LAG3: variants seen among roughly 807,000 people sequenced by gnomAD.
LAG3 encodes lymphocyte activating 3.
A neutral mutation model predicts 49.0 loss-of-function variants in LAG3; 29 were observed. The ratio of observed to expected loss-of-function variants is 0.59; its 90% CI spans 0.44 to 0.81. The LOEUF is 0.81. Among genes scored for constraint, LAG3 ranks in the 30% least tolerant of loss-of-function variants. The probability of loss-of-function intolerance (pLI) is 0.00; values close to 1 mark genes in which losing one functional copy is unlikely to be tolerated. For missense variants in LAG3, 693 were observed against 695.2 expected, an observed-to-expected ratio of 1.00 and a Z score of 0.04; for synonymous variants, 320 against 297.3, an observed-to-expected ratio of 1.08 and a Z score of -0.79.
At position 6,773,351 on chromosome 12, in the gene LAG3, A is replaced by G; in HGVS notation, c.206+12A>G. On this transcript the variant is annotated intron_variant, in intron 2 of 7. Coordinates refer to ENST00000203629, the MANE Select transcript of LAG3 (RefSeq NM_002286.6). This position sits in a 1 kb window ranked among gnomAD's most constrained non-coding sequence, Gnocchi z 5.5. ...CATCAGCCAGACAGGTATGCACCCC[A>G]AACTTGGGCAACAGGACCTCCGAAT... The G allele has an allele frequency of 6.2e-7, 1 of 1,612,984 alleles. No individual in the cohort carries two copies. The highest frequency in any genetic ancestry group is 2.2e-5 in the East Asian group (1 of 44,814).
rs554693777 is a variant in LAG3, at chr12:6,774,605, C to G, written c.522C>G (p.Ser174Arg). The G allele has an allele frequency of 6.2e-7, 1 of 1,613,274 alleles. No individual in the cohort carries two copies. Among genetic ancestry groups the G allele is most frequent in the Admixed American group, 1.7e-5 (1 of 59,904 alleles). ...LRLGQASMTA[S>R]PPGSLRASDW... is the part of the protein sequence containing the mutation. ...TTTATCCTTGCACAGTGACTGCCAG[C>G]CCCCCAGGATCTCTCAGAGCCTCCG... is the stretch of plus-strand genomic sequence containing the variant. Residue 174 changes from serine to arginine, a missense_variant, in exon 4 of 8, where the codon AGC becomes AGG. Ser to Arg is a moderately radical substitution (Grantham distance 110, BLOSUM62 -1). Transcript: ENST00000203629.
In LAG3 at chr12:6,774,812, C is replaced by T. The variant is rs757372370; in HGVS notation, c.729C>T (p.Leu243=). The change falls in exon 4 of 8, where the codon CTC becomes CTT. Residue 243 remains leucine, a synonymous_variant. Coordinates refer to ENST00000203629, the MANE Select transcript of LAG3 (RefSeq NM_002286.6). ...PMDSGPWGCI[L]TYRDGFNVSI... The stretch of plus-strand genomic sequence containing the variant: ...ACTCTGGGCCCTGGGGCTGCATCCT[C>T]ACCTACAGAGATGGCTTCAACGTCT... The T allele has an allele frequency of 3.1e-6, 5 of 1,614,156 alleles. No homozygotes were observed. The highest frequency in any genetic ancestry group is 4.5e-5 in the East Asian group (2 of 44,886).
Position 6,774,648 on chromosome 12 carries a change from T to C in LAG3, c.565T>C (p.Cys189Arg). ...LRASDWVILN[C>R]SFSRPDRPAS... ...AGCCTCCGACTGGGTCATTTTGAAC[T>C]GCTCCTTCAGCCGCCCTGACCGCCC... Residue 189 changes from cysteine (C) to arginine (R), a missense_variant, in exon 4 of 8, where the codon TGC (cysteine) becomes CGC (arginine). By Grantham distance (180) the Cys-to-Arg change is radical. Coordinates refer to ENST00000203629, the MANE Select transcript of LAG3 (RefSeq NM_002286.6). 2 of 1,614,164 alleles carry C rather than the reference T, an allele frequency of 1.2e-6. No homozygotes were observed. The highest frequency in any genetic ancestry group is 1.1e-5 in the South Asian group (1 of 91,090).
In LAG3 at chr12:6,774,764, C is replaced by A; in HGVS notation, c.681C>A (p.Phe227Leu). The change falls in exon 4 of 8, where the codon TTC (phenylalanine) becomes TTA (leucine). Residue 227 changes from phenylalanine to leucine, a missense_variant. Transcript: ENST00000203629. ...ACCACTTAGCGGAAAGCTTCCTCTT[C>A]CTGCCCCAAGTCAGCCCCATGGACT... ...PHHHLAESFLFLPQVSPMDSG... is the reference protein window; with the variant it reads ...PHHHLAESFLLLPQVSPMDSG... 1.2e-6 allele frequency: 2 copies of A among 1,614,190 alleles called. No homozygotes were observed. Among genetic ancestry groups the A allele is most frequent in the Non-Finnish European group, 1.7e-6 (2 of 1,180,034 alleles).
In LAG3 at chr12:6,773,156, C is replaced by T. The variant is rs372422059; in HGVS notation, c.59-36C>T. ...TTCTCTACCCCTGCCTCTCGGCTCA[C>T]GCCCCCTCCCCTTGGCCTCTCTTTT... On this transcript the variant is annotated intron_variant, in intron 1 of 7. Transcript: ENST00000203629. This position sits in a 1 kb window ranked among gnomAD's most constrained non-coding sequence, Gnocchi z 5.5. The T allele has an allele frequency of 1.6e-5, 25 of 1,584,072 alleles. No homozygotes were observed. The highest frequency in any genetic ancestry group is 2.7e-5 in the African/African-American group (2 of 73,248).
chr12:6,774,586 C>T lies in LAG3; in HGVS notation c.512-9C>T, dbSNP rs1483386041. Reference sequence around the variant, plus strand: ...GTGGGCTGATGAAGTCTTCTTTATCCTTGCACAGTGACTGCCAGCCCCCCA... The same window carrying T: ...GTGGGCTGATGAAGTCTTCTTTATCTTTGCACAGTGACTGCCAGCCCCCCA... On this transcript the variant is annotated splice_polypyrimidine_tract_variant and intron_variant, in intron 3 of 7. Transcript: ENST00000203629. The T allele has an allele frequency of 6.2e-7, 1 of 1,611,672 alleles. No individual in the cohort carries two copies. Among genetic ancestry groups the T allele is most frequent in the African/African-American group, 1.3e-5 (1 of 74,870 alleles).
chr12:6,775,189 C>T (rs1941892441), intron 4 of LAG3, 84 bp from the exon 5 acceptor site: 9 of 1,419,580 alleles, frequency 6.3e-6, no homozygotes, highest in African/African-American at 1.4e-5. Flanking sequence ...CTCCTGAATT[C>T]TTCTGCCTCC....
Position 6,778,450 on chromosome 12 carries a change from C to T in LAG3, c.*60C>T, listed in dbSNP as rs1941934320. On this transcript the variant is annotated 3_prime_UTR_variant, in exon 8 of 8. Transcript: ENST00000203629. ...CCAGTCCAAATAAACTCCCTGTCAG[C>T]AGCAAGCCTGAGTCTGGCTCTTTCT... is the stretch of plus-strand genomic sequence containing the variant. The T allele has an allele frequency of 3.8e-6, 6 of 1,578,150 alleles. No homozygotes were observed. The highest frequency in any genetic ancestry group is 5.1e-6 in the Non-Finnish European group (6 of 1,168,122).
chr12:6,775,305 G>A lies in LAG3; in HGVS notation c.814G>A (p.Ala272Thr), dbSNP rs201431526. 172 of 1,614,140 alleles carry A rather than the reference G, an allele frequency of 1.1e-4. 3 individuals carry two copies. The highest frequency in any genetic ancestry group is 6.0e-4 in the East Asian group (27 of 44,880). The change falls in exon 5 of 8, where the codon GCT becomes ACT. Residue 272 changes from alanine to threonine, a missense_variant. Transcript: ENST00000203629. ...GCCCCCAACTCCCTTGACAGTGTAC[G>A]CTGGAGCAGGTTCCAGGGTGGGGCT... ...LEPPTPLTVY[A>T]GAGSRVGLPC...
rs2137806093 is a variant in LAG3 at position 6,773,675 on chromosome 12, C to T, written c.207-22C>T. The T allele has an allele frequency of 7.3e-7, 1 of 1,366,156 alleles. No homozygotes were observed. Among genetic ancestry groups the T allele is most frequent in the Non-Finnish European group, 9.4e-7 (1 of 1,066,842 alleles). 84.6% of individuals were successfully genotyped at this position (1,366,156 alleles called of 1,614,324 possible). ...GCTTCCTACCCCTGGAGCTTCTCAA[C>T]TCCATTCTCTTTCCCGCCCAGTGGC... On this transcript the variant is annotated intron_variant, in intron 2 of 7. Coordinates refer to ENST00000203629, the MANE Select transcript of LAG3 (RefSeq NM_002286.6). The surrounding 1 kb of genome is among the most constrained non-coding windows in gnomAD (Gnocchi z 5.5).
At chr12:6,777,965 T>C (rs777252010) in intron 7 of LAG3, 44 bp downstream of exon 7, 2 of 1,609,442 alleles carry the variant, frequency 1.2e-6, no homozygotes, top group African/African-American at 1.3e-5. Context: ...CAGCTCCCGC[T>C]CTTCCATCCT....
chr12:6,775,714 T>A, intron 5 of LAG3, 166 bp downstream of exon 5: 8 of 638,432 alleles, frequency 1.3e-5, no homozygotes, highest in East Asian at 5.6e-5. Flanking sequence ...ACCCCCATAA[T>A]AAAGAAACGA....
At position 6,777,799 on chromosome 12, in the gene LAG3, C is replaced by A; in HGVS notation, c.1309C>A (p.Arg437Ser). 1.9e-6 allele frequency: 3 copies of A among 1,613,958 alleles called. No homozygotes were observed. The highest frequency in any genetic ancestry group is 2.2e-5 in the South Asian group (2 of 91,082). The change falls in exon 7 of 8, where the codon CGC becomes AGC. Residue 437 changes from arginine (R) to serine (S), a missense_variant. Coordinates refer to ENST00000203629, the MANE Select transcript of LAG3 (RefSeq NM_002286.6). ...CTGTACTTTCTCCATAGGTGCCCAA[C>A]GCTCTGGGAGAGCCCCAGGTGCCCT... ...FTELSSPGAQ[R>S]SGRAPGALPA...
At chr12:6,775,078 G>A (rs2302365) in intron 4 of LAG3, among the ~76,000 whole-genome samples, 195 bp from the exon 5 acceptor site, 48,146 of 151,892 alleles carry the variant, frequency 0.32, 7,755 homozygotes, top group Admixed American at 0.38. Flanking sequence ...CGTCATTGCC[G>A]GCCTTCCCTC....
chr12:6,774,387 G>A (rs1329740506), intron 3 of LAG3, among the ~76,000 whole-genome samples: 3 of 152,202 alleles, frequency 2.0e-5, no homozygotes, highest in South Asian at 2.1e-4. Context: ...CCAGGCCAGG[G>A]ACGGGGAAAG....
At position 6,778,414 on chromosome 12, in the gene LAG3, A is replaced by C. The variant is rs756725744; in HGVS notation, c.*24A>C. The C allele has an allele frequency of 2.5e-6, 4 of 1,604,756 alleles. No individual in the cohort carries two copies. The highest frequency in any genetic ancestry group is 3.4e-6 in the Non-Finnish European group (4 of 1,179,362). On this transcript the variant is annotated 3_prime_UTR_variant, in exon 8 of 8. Coordinates refer to ENST00000203629, the MANE Select transcript of LAG3 (RefSeq NM_002286.6). ...GACCTGGAGCTGAGGCAGCCAGCAG[A>C]TCTCAGCAGCCCAGTCCAAATAAAC...
chr12:6,777,456 G>A lies in LAG3; in HGVS notation c.1250G>A (p.Gly417Glu). ...SQPWQCQLYQ[G>E]ERLLGAAVYF... ...CCTTGGCAATGCCAGCTGTACCAGG[G>A]GGAGAGGCTTCTTGGAGCAGCAGTG... The change falls in exon 6 of 8, where the codon GGG becomes GAG. Residue 417 changes from glycine to glutamate, a missense_variant. Gly to Glu is a moderately conservative substitution (Grantham distance 98). Transcript: ENST00000203629. 1 of 1,614,174 alleles carries A rather than the reference G, an allele frequency of 6.2e-7. No homozygotes were observed. The highest frequency in any genetic ancestry group is 8.5e-7 in the Non-Finnish European group (1 of 1,180,018).
rs1941896362 is a variant in LAG3, at chr12:6,775,422, G to A, written c.931G>A (p.Gly311Arg). Reference sequence around the variant, plus strand: ...GGGAGGCCCTGACCTCCTGGTGACTGGAGACAATGGCGACTTTACCCTTCG... The same window carrying A: ...GGGAGGCCCTGACCTCCTGGTGACTAGAGACAATGGCGACTTTACCCTTCG... ...PGGGPDLLVT[G>R]DNGDFTLRLE... The change falls in exon 5 of 8, where the codon GGA becomes AGA. Residue 311 changes from glycine (G) to arginine (R), a missense_variant. By Grantham distance (125) the Gly-to-Arg change is moderately radical (BLOSUM62 -2). Coordinates refer to ENST00000203629, the MANE Select transcript of LAG3 (RefSeq NM_002286.6). 2 of 1,614,082 alleles carry A rather than the reference G, an allele frequency of 1.2e-6. No individual in the cohort carries two copies. Among genetic ancestry groups the A allele is most frequent in the African/African-American group, 1.3e-5 (1 of 74,916 alleles).
intron 3 of LAG3, 111 bp downstream of exon 3, chr12:6,774,112 A>G: frequency 7.6e-7 from 1 of 1,320,574 alleles, no homozygotes; most frequent in Non-Finnish European, 9.6e-7. Context: ...CCTGTCGGAG[A>G]GCTCCCAGAA....
Sources: allele counts gnomAD v4.1 joint callset (sites outside exome capture counted in the v4.1 genomes callset), GRCh38; gene constraint gnomAD v4.1.1; non-coding constraint Gnocchi (gnomAD v3.1); transcripts MANE v1.5; gene names NCBI Gene and HGNC (gene_info 2026-07-23, HGNC 2026-07-21).